Variants in PTPN21 observed in about 807,000 individuals in gnomAD.
PTPN21 encodes protein tyrosine phosphatase non-receptor type 21, also known as tyrosine-protein phosphatase non-receptor type 21.
PTPN21 carries 77 observed loss-of-function variants against 131.8 expected under a neutral mutation model. That is an observed-to-expected ratio of 0.58 (90% CI 0.49 to 0.71). The LOEUF is 0.71. PTPN21 is among the 30% of genes least tolerant of loss of function. The probability of loss-of-function intolerance (pLI) is 0.00; values close to 1 mark genes in which losing one functional copy is unlikely to be tolerated. For missense variants in PTPN21, 1,552 were observed against 1,527.1 expected (o/e 1.02, Z -0.27); for synonymous variants, 715 against 621.3 (o/e 1.15, Z -2.24).
At chr14:88,546,437 A>T (rs1038765096) in intron 2 of PTPN21, among the ~76,000 whole-genome samples, 1 of 151,716 alleles carries the variant, frequency 6.6e-6, no homozygotes, top group African/African-American at 2.4e-5. Flanking sequence ...TTAGCCGGGC[A>T]TGGTGGTAGG....
At position 88,554,893 on chromosome 14, in the gene PTPN21, G is replaced by A. The variant is rs1002841153; in HGVS notation, c.-445C>T. ...AGGCCTGGAGGTGGGACCGGCCGGC[G>A]AGGAGCGCCGCACAAAGAAGCCCCG... On this transcript the variant is annotated 5_prime_UTR_variant, in exon 1 of 19. Coordinates refer to ENST00000556564, the MANE Select transcript of PTPN21 (RefSeq NM_007039.4). 6.6e-6 allele frequency among the ~76,000 whole-genome samples: 1 copy of A among 151,646 alleles called. No homozygotes were observed. Among genetic ancestry groups the A allele is most frequent in the Non-Finnish European group, 1.5e-5 (1 of 67,850 alleles).
chr14:88,529,981 A>G (rs536201031), intron 2 of PTPN21, among the ~76,000 whole-genome samples: 1 of 151,170 alleles, frequency 6.6e-6, no homozygotes, highest in Admixed American at 6.6e-5. Flanking sequence ...ACACCATCTC[A>G]AGAAAAAAAA....
At chr14:88,552,601 A>C (rs1212621703) in intron 1 of PTPN21, 1 of 152,224 alleles carries the variant, frequency 6.6e-6, no homozygotes, top group Non-Finnish European at 1.5e-5. Context: ...GGGGAAGGCC[A>C]GAAGAAAAAA....
intron 2 of PTPN21, among the ~76,000 whole-genome samples, chr14:88,527,481 T>C (rs1452975831): frequency 6.6e-6 from 1 of 152,214 alleles, no homozygotes; most frequent in Non-Finnish European, 1.5e-5. Flanking sequence ...ACTCATGTCT[T>C]TAGCCCATGT....
chr14:88,525,659 A>C (rs1436085118), intron 2 of PTPN21, among the ~76,000 whole-genome samples: 1 of 152,204 alleles, frequency 6.6e-6, no homozygotes, highest in Non-Finnish European at 1.5e-5. Context: ...CAAAACACTA[A>C]ATATAGAATC....
At chr14:88,498,965 A>G (rs373703248) in intron 8 of PTPN21, among the ~76,000 whole-genome samples, 1 of 152,306 alleles carries the variant, frequency 6.6e-6, no homozygotes, top group East Asian at 1.9e-4. Context: ...GTTGTTTGTT[A>G]AATCTAAAGA....
At chr14:88,494,931 T>C (rs2077882293) in intron 10 of PTPN21, among the ~76,000 whole-genome samples, 1 of 136,584 alleles carries the variant, frequency 7.3e-6, no homozygotes, top group African/African-American at 2.7e-5. Flanking sequence ...GAGAATCACT[T>C]GAACCCGGGA....
Position 88,467,612 on chromosome 14 carries a change from G to A in PTPN21, c.*525C>T, listed in dbSNP as rs2077384874. On this transcript the variant is annotated 3_prime_UTR_variant, in exon 19 of 19. Transcript: ENST00000556564. ...ACTAAACCATTATTAAGTACCCAAG[G>A]TTTTTAAAAAATAACAAAAGATAAT... 2.0e-5 allele frequency: 3 copies of A among 152,090 alleles called. No individual in the cohort carries two copies. The highest frequency in any genetic ancestry group is 7.3e-5 in the African/African-American group (3 of 41,126). The allele number at this position is 152,090 out of a possible 1,614,324, so 9.4% of individuals were successfully genotyped here.
chr14:88,473,825 A>G (rs377300619), intron 13 of PTPN21, 23 bp from the exon 14 acceptor site: 606 of 1,579,096 alleles, frequency 3.8e-4, no homozygotes, highest in Non-Finnish European at 4.9e-4. Context: ...TTATATGTAT[A>G]TATGAAATAT....
At chr14:88,504,133 G>A (rs1450660695) in intron 6 of PTPN21, among the ~76,000 whole-genome samples, 1 of 152,094 alleles carries the variant, frequency 6.6e-6, no homozygotes, top group African/African-American at 2.4e-5. Flanking sequence ...ACTACATGCA[G>A]TAAAAAATGG....
At chr14:88,500,711 T>C (rs1330947697) in intron 8 of PTPN21, 72 bp downstream of exon 8, 1 of 1,022,566 alleles carries the variant, frequency 9.8e-7, no homozygotes, top group African/African-American at 1.6e-5. Flanking sequence ...ACAATTTAAC[T>C]GCTGTAAGTA....
rs768390359 is a variant in PTPN21, at chr14:88,500,834, A to G, written c.713T>C (p.Leu238Pro). The G allele has an allele frequency of 6.2e-7, 1 of 1,614,038 alleles. No homozygotes were observed. Among genetic ancestry groups the G allele is most frequent in the Non-Finnish European group, 8.5e-7 (1 of 1,179,900 alleles). ...QGSDISIGAC[L>P]EGIFVKHKNG... is the part of the protein sequence containing the mutation. ...CTTGTGTTTCACAAAGATACCTTCAAGACACGCTCCAATGGATATGTCACT... is the reference window on the plus strand; with the variant it reads ...CTTGTGTTTCACAAAGATACCTTCAGGACACGCTCCAATGGATATGTCACT... Residue 238 changes from leucine to proline, a missense_variant, in exon 8 of 19, where the codon CTT (leucine) becomes CCT (proline). Around this residue, in one of 4 missense-constraint regions of PTPN21, gnomAD observed 1,016 missense variants for 883.5 expected, o/e 1.15. Coordinates refer to ENST00000556564, the MANE Select transcript of PTPN21 (RefSeq NM_007039.4).
chr14:88,551,870 G>A (rs944929111), intron 1 of PTPN21: 7 of 152,210 alleles, frequency 4.6e-5, no homozygotes, highest in Admixed American at 2.6e-4. Context: ...ACCTGTTGAT[G>A]GTTTCTGGGG....
At chr14:88,525,531 G>A (rs565932258) in intron 2 of PTPN21, among the ~76,000 whole-genome samples, 141 of 152,302 alleles carry the variant, frequency 9.3e-4, no homozygotes, top group African/African-American at 3.2e-3. Flanking sequence ...CACCAACTAG[G>A]ATGGCTATAA....
chr14:88,546,694 T>C (rs533638883), intron 2 of PTPN21, among the ~76,000 whole-genome samples: 3 of 152,318 alleles, frequency 2.0e-5, no homozygotes, highest in Admixed American at 6.5e-5. Flanking sequence ...CAAATCTATA[T>C]GCGATAATTC....
At chr14:88,501,204 A>T in intron 7 of PTPN21, 77 bp downstream of exon 7, 2 of 1,304,482 alleles carry the variant, frequency 1.5e-6, no homozygotes, top group Non-Finnish European at 2.2e-6. Context: ...ACATAAGGAC[A>T]TCCTTGGATT....
chr14:88,540,106 C>A (rs1422966644), intron 2 of PTPN21, among the ~76,000 whole-genome samples: 1 of 152,182 alleles, frequency 6.6e-6, no homozygotes, highest in Non-Finnish European at 1.5e-5. Flanking sequence ...CCTGACTTAA[C>A]AATAATACCT....
intron 15 of PTPN21, among the ~76,000 whole-genome samples, chr14:88,471,421 C>T (rs576466362): frequency 3.3e-5 from 5 of 152,194 alleles, no homozygotes; most frequent in Middle Eastern, 6.8e-3. Flanking sequence ...AGTGATATTA[C>T]CCCAGATAAG....
chr14:88,510,725 A>T (rs2078164758), intron 3 of PTPN21, among the ~76,000 whole-genome samples: 1 of 152,192 alleles, frequency 6.6e-6, no homozygotes, highest in Admixed American at 6.5e-5. Context: ...TACAAAATAG[A>T]GATAATAGCA....
Sources: allele counts gnomAD v4.1 joint callset (sites outside exome capture counted in the v4.1 genomes callset), GRCh38; gene constraint gnomAD v4.1.1; regional missense constraint gnomAD v4.1.1; transcripts MANE v1.5; gene names NCBI Gene and HGNC (gene_info 2026-07-23, HGNC 2026-07-21).